HOOK1: variants seen among roughly 807,000 people sequenced by gnomAD.
HOOK1 encodes protein Hook homolog 1.
A neutral mutation model predicts 112.8 loss-of-function variants in HOOK1; 60 were observed. That is an observed-to-expected ratio of 0.53 (90% CI 0.43 to 0.66). The LOEUF (loss-of-function observed/expected upper bound fraction) is 0.66, where lower values mean the gene tolerates loss of function less well. HOOK1 is among the 30% of genes least tolerant of loss of function. The pLI is 0.00. For missense variants in HOOK1, 770 were observed against 856.0 expected (o/e 0.90, Z 1.25); for synonymous variants, 294 against 283.8 (o/e 1.04, Z -0.36).
Position 59,874,066 on chromosome 1 carries a change from AT to A in HOOK1, c.*1105del, listed in dbSNP as rs1644097449. The A allele has an allele frequency of 6.6e-6, 1 of 151,906 alleles. No individual in the cohort carries two copies. Among genetic ancestry groups the A allele is most frequent in the African/African-American group, 2.4e-5 (1 of 41,388 alleles). 9.4% of individuals were successfully genotyped at this position (151,906 alleles called of 1,614,324 possible). The stretch of plus-strand genomic sequence containing the variant: ...CATTTTTAAAAGTTAGCACTTTTGA[AT>A]TTTAGTTGTGTTAAATATGTGCTGT... On this transcript the variant is annotated 3_prime_UTR_variant, in exon 22 of 22. Coordinates refer to ENST00000371208, the MANE Select transcript of HOOK1 (RefSeq NM_015888.6).
At chr1:59,821,749 GT>G (rs111605995) in intron 1 of HOOK1, 108 bp from the exon 2 acceptor site, 26,377 of 554,174 alleles carry the variant, frequency 0.048, no homozygotes, top group South Asian at 0.056. Flanking sequence ...ACAGGACCAT[GT>G]TTTTTTTTTT....
chr1:59,855,964 T>TAAAAAA (rs1559058013), intron 12 of HOOK1, among the ~76,000 whole-genome samples: 1 of 92,682 alleles, frequency 1.1e-5, no homozygotes, highest in African/African-American at 6.3e-5. Flanking sequence ...ATATATAAAT[T>TAAAAAA]ATTATATATA....
intron 6 of HOOK1, among the ~76,000 whole-genome samples, chr1:59,835,957 TG>T (rs1431939631): frequency 6.6e-6 from 1 of 152,022 alleles, no homozygotes. Context: ...GCCTGGGGGT[TG>T]GGGACCCTTC....
At chr1:59,832,283 A>G (rs1182005024) in intron 4 of HOOK1, 70 bp downstream of exon 4, 1 of 919,842 alleles carries the variant, frequency 1.1e-6, no homozygotes, top group African/African-American at 1.7e-5. Context: ...CTGAAAAATC[A>G]CTTGGTTTTT....
intron 1 of HOOK1, among the ~76,000 whole-genome samples, chr1:59,820,663 G>C (rs916625327): frequency 6.6e-6 from 1 of 151,922 alleles, no homozygotes; most frequent in Non-Finnish European, 1.5e-5. Flanking sequence ...ACCCTAATTA[G>C]ATTAGTTGAC....
chr1:59,837,375 T>TAACC (rs2102026708), intron 7 of HOOK1, among the ~76,000 whole-genome samples: 1 of 152,316 alleles, frequency 6.6e-6, no homozygotes, highest in African/African-American at 2.4e-5. Flanking sequence ...CTCCCATTTA[T>TAACC]AACCCAATCT....
At position 59,873,103 on chromosome 1, in the gene HOOK1, C is replaced by T. The variant is rs1644084311; in HGVS notation, c.*138C>T. On this transcript the variant is annotated 3_prime_UTR_variant, in exon 22 of 22. Coordinates refer to ENST00000371208, the MANE Select transcript of HOOK1 (RefSeq NM_015888.6). The stretch of plus-strand genomic sequence containing the variant: ...TATCAGGTATTTTAAAATCAACATG[C>T]ATCAAATTAATTTTGCCAGTTGACT... 5.9e-6 allele frequency: 4 copies of T among 682,372 alleles called. No individual in the cohort carries two copies. The highest frequency in any genetic ancestry group is 8.5e-6 in the Non-Finnish European group (4 of 468,710). The allele number at this position is 682,372 out of a possible 1,614,324, so 42.3% of individuals were successfully genotyped here. A position where few individuals can be genotyped will look rare whatever the true frequency, so the allele number is the denominator to read the frequency against.
At chr1:59,850,295 GT>G (rs528483547) in intron 12 of HOOK1, among the ~76,000 whole-genome samples, 20 of 147,718 alleles carry the variant, frequency 1.4e-4, no homozygotes, top group East Asian at 7.9e-4. Context: ...ATGATTTGCA[GT>G]TTTTTTTTTC....
chr1:59,868,924 G>T (rs1221308572), intron 20 of HOOK1, among the ~76,000 whole-genome samples: 1 of 152,132 alleles, frequency 6.6e-6, no homozygotes, highest in Admixed American at 6.5e-5. Flanking sequence ...AAATTTTAAA[G>T]ATATTTTTGT....
Position 59,849,042 on chromosome 1 carries a change from G to C in HOOK1, c.1132-31G>C, listed in dbSNP as rs766542677. On this transcript the variant is annotated intron_variant, in intron 11 of 21. Coordinates refer to ENST00000371208, the MANE Select transcript of HOOK1 (RefSeq NM_015888.6). ...GATTTATACACTTATATACTTTTAA[G>C]GACCTTTTTTCCTTTTGTTTCTGAC... The C allele has an allele frequency of 6.5e-6, 9 of 1,385,502 alleles. No homozygotes were observed. In the East Asian group the frequency reaches 2.1e-4, roughly 32 times the overall value. The allele number at this position is 1,385,502 out of a possible 1,614,324, so 85.8% of individuals were successfully genotyped here.
In HOOK1 at chr1:59,859,031, G is replaced by T; in HGVS notation, c.1377G>T (p.Met459Ile). The T allele has an allele frequency of 1.9e-6, 3 of 1,552,188 alleles. No homozygotes were observed. In the South Asian group the frequency reaches 3.4e-5, roughly 18 times the overall value. The change falls in exon 14 of 22, where the codon ATG becomes ATT. Residue 459 changes from methionine (M) to isoleucine (I), a missense_variant. Around this residue, in one of 3 missense-constraint regions of HOOK1, gnomAD observed 655 missense variants for 725.9 expected, o/e 0.90. Transcript: ENST00000371208. ...KSYENLAAEI[M>I]PVEYREVFIR... is the part of the protein sequence containing the mutation. ...ATGAGAATCTTGCTGCTGAGATTAT[G>T]CCAGTGGAATATAGGTAAATTTGTT... is the stretch of plus-strand genomic sequence containing the variant.
chr1:59,840,310 T>C lies in HOOK1; in HGVS notation c.540T>C (p.Leu180=). Reference sequence around the variant, plus strand: ...ATTTAGGACATTTTGTATTTCAGCTTAAAAGAGCCTTGGAAGAACTTCAGG... The same window carrying C: ...ATTTAGGACATTTTGTATTTCAGCTCAAAAGAGCCTTGGAAGAACTTCAGG... ...NDAVGELEQQ[L]KRALEELQEA... is the part of the protein sequence containing the mutation. The change falls in exon 8 of 22, where the codon CTT becomes CTC. Residue 180 remains leucine, a splice_region_variant and synonymous_variant. Transcript: ENST00000371208. 1 of 1,569,372 alleles carries C rather than the reference T, an allele frequency of 6.4e-7. No individual in the cohort carries two copies.
intron 3 of HOOK1, among the ~76,000 whole-genome samples, chr1:59,831,785 G>A (rs539345224): frequency 1.3e-5 from 2 of 152,238 alleles, no homozygotes; most frequent in South Asian, 2.1e-4. Flanking sequence ...GCAGAGTTCT[G>A]TACTACTTAC....
rs1006344606 is a variant in HOOK1, at chr1:59,875,169, T to C, written c.*2204T>C. On this transcript the variant is annotated 3_prime_UTR_variant, in exon 22 of 22. Transcript: ENST00000371208. ...TTTTACAAGCCCTTCAAACTCCGTT[T>C]TAAAGGAATTTATTGTAAAACATTA... 4 of 152,610 alleles carry C rather than the reference T, an allele frequency of 2.6e-5. No individual in the cohort carries two copies. Among genetic ancestry groups the C allele is most frequent in the African/African-American group, 9.6e-5 (4 of 41,466 alleles). The allele number at this position is 152,610 out of a possible 1,614,324, so 9.5% of individuals were successfully genotyped here. A position where few individuals can be genotyped will look rare whatever the true frequency, so the allele number is the denominator to read the frequency against.
At chr1:59,869,489 G>GCTGT (rs917510628) in intron 20 of HOOK1, among the ~76,000 whole-genome samples, 2 of 152,164 alleles carry the variant, frequency 1.3e-5, no homozygotes, top group African/African-American at 2.4e-5. Flanking sequence ...ACCGCACCTA[G>GCTGT]CTGTATTCAG....
chr1:59,827,253 C>A (rs1317905876), intron 2 of HOOK1, among the ~76,000 whole-genome samples: 1 of 152,146 alleles, frequency 6.6e-6, no homozygotes, highest in Non-Finnish European at 1.5e-5. Flanking sequence ...TTGGATGAGA[C>A]CCACCCACAT....
chr1:59,849,496 A>T (rs1418994538), intron 12 of HOOK1, among the ~76,000 whole-genome samples: 1 of 151,618 alleles, frequency 6.6e-6, no homozygotes, highest in Non-Finnish European at 1.5e-5. Context: ...GATTTAATTT[A>T]CTTACCGTAA....
At chr1:59,836,833 T>A in intron 6 of HOOK1, 40 bp from the exon 7 acceptor site, 1 of 1,110,760 alleles carries the variant, frequency 9.0e-7, no homozygotes, top group South Asian at 1.4e-5. Flanking sequence ...TTCATAAACA[T>A]CACATTGTTA....
rs1344668922 is a variant in HOOK1 at position 59,815,099 on chromosome 1, G to T, written c.-19G>T. ...GGAGTGTGAAGGTGTCCGCGGCGTCGTCGACGGCGGCGCCGGCCATGGAGG... is the reference window on the plus strand; with the variant it reads ...GGAGTGTGAAGGTGTCCGCGGCGTCTTCGACGGCGGCGCCGGCCATGGAGG... On this transcript the variant is annotated 5_prime_UTR_variant, in exon 1 of 22. Coordinates refer to ENST00000371208, the MANE Select transcript of HOOK1 (RefSeq NM_015888.6). 5.2e-6 allele frequency: 8 copies of T among 1,538,698 alleles called. No individual in the cohort carries two copies. Among genetic ancestry groups the T allele is most frequent in the Admixed American group, 3.9e-5 (2 of 50,916 alleles).
Sources: allele counts gnomAD v4.1 joint callset (sites outside exome capture counted in the v4.1 genomes callset), GRCh38; gene constraint gnomAD v4.1.1; regional missense constraint gnomAD v4.1.1; transcripts MANE v1.5; gene names NCBI Gene and HGNC (gene_info 2026-07-23, HGNC 2026-07-21).